Variants in EXOC3L4 observed in about 807,000 individuals in gnomAD.
The protein encoded by EXOC3L4 is exocyst complex component 3-like protein 4.
Under a neutral mutation model 69.7 loss-of-function variants are expected in EXOC3L4, and 62 were observed. That is an observed-to-expected ratio of 0.89 (90% CI 0.72 to 1.10). The LOEUF is 1.10. Among genes scored for constraint, EXOC3L4 ranks in the 50% least tolerant of loss-of-function variants. The pLI is 0.00. For missense variants in EXOC3L4, 1,087 were observed against 1,034.8 expected, an observed-to-expected ratio of 1.05 and a Z score of -0.69; for synonymous variants, 502 against 464.2, an observed-to-expected ratio of 1.08 and a Z score of -1.05.
chr14:103,100,927 G>A (rs1458072018), intron 2 of EXOC3L4, among the ~76,000 whole-genome samples: 1 of 129,666 alleles, frequency 7.7e-6, no homozygotes. Flanking sequence ...TTTTGACACT[G>A]ACTCTCACTC....
At chr14:103,107,387 G>A in intron 8 of EXOC3L4, 37 bp from the exon 9 acceptor site, 2 of 1,599,450 alleles carry the variant, frequency 1.3e-6, no homozygotes, top group Non-Finnish European at 1.7e-6. Flanking sequence ...TGCGGGCGTA[G>A]TGCACATTTG....
At position 103,104,913 on chromosome 14, in the gene EXOC3L4, G is replaced by C. The variant is rs1049197387; in HGVS notation, c.1385+75G>C. On this transcript the variant is annotated intron_variant, in intron 6 of 11. Coordinates refer to ENST00000688303, the MANE Select transcript of EXOC3L4 (RefSeq NM_001077594.2). Reference sequence around the variant, plus strand: ...AGGTGGGAGGGAGGAGTCTGCGTAGGGACCTGATTGGGAGGGTGGACCCAG... The same window carrying C: ...AGGTGGGAGGGAGGAGTCTGCGTAGCGACCTGATTGGGAGGGTGGACCCAG... The C allele has an allele frequency of 2.6e-6, 4 of 1,566,138 alleles. No individual in the cohort carries two copies. The East Asian group carries it at 9.1e-5, about 36-fold the overall frequency.
intron 10 of EXOC3L4, among the ~76,000 whole-genome samples, 163 bp downstream of exon 10, chr14:103,107,946 A>G (rs533446553): frequency 8.5e-5 from 13 of 152,124 alleles, no homozygotes; most frequent in South Asian, 4.2e-4. Context: ...GGGTGGAGGG[A>G]ACCAGGTGGG....
At chr14:103,095,359 G>A (rs889563811) in intron 1 of EXOC3L4, among the ~76,000 whole-genome samples, 7 of 152,244 alleles carry the variant, frequency 4.6e-5, no homozygotes, top group Non-Finnish European at 7.3e-5. Context: ...CTCCGTCATG[G>A]CAGGTGTGCC....
rs1382335190 is a variant in EXOC3L4 at position 103,110,390 on chromosome 14, G to C, written c.*167G>C. On this transcript the variant is annotated 3_prime_UTR_variant, in exon 12 of 12. Coordinates refer to ENST00000688303, the MANE Select transcript of EXOC3L4 (RefSeq NM_001077594.2). ...CGCAGCTGTCAGGCCAGAAGGAGCAGCCGTGCAGGAGGCATTTCAGGCATC... is the reference window on the plus strand; with the variant it reads ...CGCAGCTGTCAGGCCAGAAGGAGCACCCGTGCAGGAGGCATTTCAGGCATC... The C allele has an allele frequency of 2.4e-6, 2 of 831,134 alleles. No individual in the cohort carries two copies. The highest frequency in any genetic ancestry group is 2.9e-5 in the South Asian group (2 of 69,252). The allele number at this position is 831,134 out of a possible 1,614,324, so 51.5% of individuals were successfully genotyped here. A position where few individuals can be genotyped will look rare whatever the true frequency, so the allele number is the denominator to read the frequency against.
At chr14:103,100,148 C>G in intron 1 of EXOC3L4, 56 bp from the exon 2 acceptor site, 1 of 1,454,328 alleles carries the variant, frequency 6.9e-7, no homozygotes, top group South Asian at 1.5e-5. Flanking sequence ...CCAGGCCCCA[C>G]AGGGCCACAA....
At chr14:103,096,842 G>A (rs1183115713) in intron 1 of EXOC3L4, among the ~76,000 whole-genome samples, 1 of 152,094 alleles carries the variant, frequency 6.6e-6, no homozygotes, top group Non-Finnish European at 1.5e-5. Flanking sequence ...GCAGCATTGA[G>A]GGGGCCTGGG....
intron 7 of EXOC3L4, among the ~76,000 whole-genome samples, chr14:103,105,305 T>A (rs1334399952): frequency 6.6e-6 from 1 of 150,674 alleles, no homozygotes; most frequent in Non-Finnish European, 1.5e-5. Context: ...TGCCTGTGTG[T>A]GCATGCGTGG....
At chr14:103,105,959 G>A (rs1890525825) in intron 7 of EXOC3L4, among the ~76,000 whole-genome samples, 1 of 152,228 alleles carries the variant, frequency 6.6e-6, no homozygotes. Context: ...TTTGCCACCT[G>A]TCAAATAGGA....
At chr14:103,107,859 G>T (rs949634931) in intron 10 of EXOC3L4, 76 bp downstream of exon 10, 4 of 1,446,076 alleles carry the variant, frequency 2.8e-6, no homozygotes, top group Non-Finnish European at 3.7e-6. Context: ...CCTTAGCGCC[G>T]GGAGGGCTTT....
In EXOC3L4 at chr14:103,105,035, C is replaced by G. The variant is rs759928849; in HGVS notation, c.1429C>G (p.His477Asp). The G allele has an allele frequency of 1.9e-6, 3 of 1,612,382 alleles. No homozygotes were observed. The South Asian group carries it at 3.3e-5, about 18-fold the overall frequency. ...GGCGTCGGAGGCGGTGAGCGAGCCG[C>G]ACCTGGGCGCCTACATCAACGCCTG... The part of the protein sequence containing the change: ...FLASEAVSEP[H>D]LGAYINACEE... The change falls in exon 7 of 12, where the codon CAC (histidine) becomes GAC (aspartate). Residue 477 changes from histidine to aspartate, a missense_variant. By Grantham distance (81) the His-to-Asp change is moderately conservative. Coordinates refer to ENST00000688303, the MANE Select transcript of EXOC3L4 (RefSeq NM_001077594.2).
chr14:103,110,126 C>A lies in EXOC3L4; in HGVS notation c.2072C>A (p.Ala691Glu). ...LQHTQDLLRA[A>E]AGAAGAEAPR... ...CACACTCAAGACCTGCTGAGAGCTG[C>A]GGCCGGGGCGGCGGGTGCGGAGGCC... Residue 691 changes from alanine to glutamate, a missense_variant, in exon 12 of 12, where the codon GCG becomes GAG. By Grantham distance (107) the Ala-to-Glu change is moderately radical. Transcript: ENST00000688303. 1 of 1,555,896 alleles carries A rather than the reference C, an allele frequency of 6.4e-7. No individual in the cohort carries two copies. Among genetic ancestry groups the A allele is most frequent in the Non-Finnish European group, 8.7e-7 (1 of 1,150,132 alleles).
chr14:103,098,260 C>A (rs1889987278), intron 1 of EXOC3L4, among the ~76,000 whole-genome samples: 1 of 152,110 alleles, frequency 6.6e-6, no homozygotes, highest in Non-Finnish European at 1.5e-5. Context: ...CCACATCTGA[C>A]CCCACTCTGG....
chr14:103,108,271 C>A, intron 10 of EXOC3L4, 125 bp from the exon 11 acceptor site: 1 of 1,415,910 alleles, frequency 7.1e-7, no homozygotes, highest in Non-Finnish European at 9.5e-7. Context: ...GGCACCGAGC[C>A]AGAGTGACTA....
chr14:103,098,507 A>T (rs989766538), intron 1 of EXOC3L4: 3 of 152,394 alleles, frequency 2.0e-5, no homozygotes, highest in African/African-American at 7.2e-5. Flanking sequence ...GATCTGTGTC[A>T]GGCATCGAGC....
In EXOC3L4 at chr14:103,107,646, G is replaced by A; in HGVS notation, c.1717G>A (p.Val573Met). The A allele has an allele frequency of 3.8e-6, 6 of 1,585,900 alleles. No individual in the cohort carries two copies. The highest frequency in any genetic ancestry group is 5.1e-6 in the Non-Finnish European group (6 of 1,165,110). Residue 573 changes from valine to methionine, a missense_variant, in exon 10 of 12, where the codon GTG becomes ATG. By Grantham distance (21) the Val-to-Met change is conservative. Coordinates refer to ENST00000688303, the MANE Select transcript of EXOC3L4 (RefSeq NM_001077594.2). ...RPRAQETLQE[V>M]HRFVVREYLA... The stretch of plus-strand genomic sequence containing the variant: ...GGCCGCCCAGGAGACTCTGCAGGAG[G>A]TGCACCGGTTCGTGGTCCGCGAGTA...
At chr14:103,105,192 GTGTGTT>G in intron 7 of EXOC3L4, 120 bp downstream of exon 7, 1 of 973,636 alleles carries the variant, frequency 1.0e-6, no homozygotes, top group Non-Finnish European at 1.5e-6. Flanking sequence ...GAGTGTGTGT[GTGTGTT>G]TGTGTCTGTG....
rs45565732 is a variant in EXOC3L4 at position 103,109,990 on chromosome 14, G to A, written c.1977-41G>A. 2,538 of 1,534,118 alleles carry A rather than the reference G, an allele frequency of 1.7e-3. 5 individuals are homozygous for A. The highest frequency in any genetic ancestry group is 2.1e-3 in the Non-Finnish European group (2,350 of 1,139,496). On this transcript the variant is annotated intron_variant, in intron 11 of 11. Coordinates refer to ENST00000688303, the MANE Select transcript of EXOC3L4 (RefSeq NM_001077594.2). ...CTCATGCTGGGGCTGGGGGTGTTGC[G>A]GAGGTGTAGGTCTGCAGTGAGTGCC...
Position 103,106,889 on chromosome 14 carries a change from G to C in EXOC3L4, c.1571G>C (p.Arg524Pro). Residue 524 changes from arginine (R) to proline (P), a missense_variant, in exon 8 of 12, where the codon CGT becomes CCT. Arg to Pro is a moderately radical substitution (Grantham distance 103). Transcript: ENST00000688303. ...FQKHLLQGLQ[R>P]ELQPLFRVVC... Reference sequence around the variant, plus strand: ...AAGCACTTGCTTCAGGGCTTGCAGCGTGAGTTGCAGGTGACTGTGATAGGC... The same window carrying C: ...AAGCACTTGCTTCAGGGCTTGCAGCCTGAGTTGCAGGTGACTGTGATAGGC... 1 of 1,566,304 alleles carries C rather than the reference G, an allele frequency of 6.4e-7. No homozygotes were observed. Among genetic ancestry groups the C allele is most frequent in the Non-Finnish European group, 8.7e-7 (1 of 1,153,750 alleles).
Sources: allele counts gnomAD v4.1 joint callset (sites outside exome capture counted in the v4.1 genomes callset), GRCh38; gene constraint gnomAD v4.1.1; transcripts MANE v1.5; gene names NCBI Gene and HGNC (gene_info 2026-07-23, HGNC 2026-07-21).